PTPN13: variants seen among roughly 807,000 people sequenced by gnomAD.
PTPN13 encodes tyrosine-protein phosphatase non-receptor type 13.
PTPN13 carries 191 observed loss-of-function variants against 284.0 expected under a neutral mutation model. The observed-to-expected ratio is 0.67, with a 90% confidence interval of 0.60 to 0.76. The LOEUF (loss-of-function observed/expected upper bound fraction) is 0.76, where lower values mean the gene tolerates loss of function less well. Ranked by LOEUF, PTPN13 falls within the 30% of genes least tolerant of loss-of-function variation. The pLI, the probability that PTPN13 is intolerant of heterozygous loss-of-function variation, is 0.00. For synonymous variants in PTPN13, 986 were observed against 1,022.3 expected (o/e 0.96, Z 0.68); for missense variants, 2,797 against 2,939.9 (o/e 0.95, Z 1.12).
At chr4:86,712,905 T>C (rs2149054353) in intron 7 of PTPN13, among the ~76,000 whole-genome samples, 1 of 152,110 alleles carries the variant, frequency 6.6e-6, no homozygotes, top group East Asian at 1.9e-4. Context: ...CATAGGGTAG[T>C]AGTAAGGGTG....
chr4:86,744,662 G>C (rs1479589068), intron 16 of PTPN13, among the ~76,000 whole-genome samples: 1 of 152,120 alleles, frequency 6.6e-6, no homozygotes, highest in African/African-American at 2.4e-5. Context: ...ATTGCCTACA[G>C]TATTTAGTAC....
intron 1 of PTPN13, among the ~76,000 whole-genome samples, chr4:86,596,924 C>T (rs891570593): frequency 6.6e-6 from 1 of 152,178 alleles, no homozygotes; most frequent in Non-Finnish European, 1.5e-5. Context: ...CACAACCATA[C>T]TCCAAGCCAG....
intron 2 of PTPN13, among the ~76,000 whole-genome samples, chr4:86,650,065 A>G (rs554839029): frequency 1.3e-5 from 2 of 152,236 alleles, no homozygotes; most frequent in African/African-American, 4.8e-5. Context: ...GGCTCACTGC[A>G]GCCTCTGCCT....
chr4:86,800,130 G>A (rs147495350), intron 42 of PTPN13, among the ~76,000 whole-genome samples: 2,202 of 151,572 alleles, frequency 0.015, 26 homozygotes, highest in Middle Eastern at 0.1. Flanking sequence ...GAGCCACACC[G>A]CACCTGGCCA....
intron 7 of PTPN13, among the ~76,000 whole-genome samples, chr4:86,711,607 A>T (rs769351330): frequency 6.6e-6 from 1 of 152,186 alleles, no homozygotes; most frequent in Non-Finnish European, 1.5e-5. Flanking sequence ...ACTCATAGGA[A>T]GTCAAAAAGA....
rs957906513 is a variant in PTPN13, at chr4:86,615,484, T to A, written c.-5-19768T>A. Among the ~76,000 whole-genome samples, 68 of 152,136 alleles carry A rather than the reference T, an allele frequency of 4.5e-4. 2 individuals carry two copies. The highest frequency in any genetic ancestry group is 4.4e-5 in the Non-Finnish European group (3 of 67,982). ...TCTGTCAACCCTGAAAGTTATTACTTGTAACAAGCAGGAAGCAACTTGTTA... is the reference window on the plus strand; with the variant it reads ...TCTGTCAACCCTGAAAGTTATTACTAGTAACAAGCAGGAAGCAACTTGTTA... On this transcript the variant is annotated intron_variant, in intron 1 of 47. Transcript: ENST00000411767.
intron 47 of PTPN13, among the ~76,000 whole-genome samples, chr4:86,813,198 T>G (rs564946830): frequency 6.6e-6 from 1 of 152,324 alleles, no homozygotes; most frequent in Admixed American, 6.5e-5. Flanking sequence ...TGCTCACACA[T>G]ACTATATATA....
chr4:86,768,148 CA>C (rs1391555160), intron 28 of PTPN13, among the ~76,000 whole-genome samples, 172 bp downstream of exon 28: 5 of 152,118 alleles, frequency 3.3e-5, no homozygotes, highest in African/African-American at 4.8e-5. Flanking sequence ...AACATATTTG[CA>C]GCTCATAGGG....
chr4:86,770,167 G>A lies in PTPN13; in HGVS notation c.4771G>A (p.Gly1591Ser), dbSNP rs374198831. 5.0e-6 allele frequency: 8 copies of A among 1,613,554 alleles called. No individual in the cohort carries two copies. Among genetic ancestry groups the A allele is most frequent in the East Asian group, 2.2e-5 (1 of 44,894 alleles). The change falls in exon 30 of 48, where the codon GGT becomes AGT. Residue 1591 changes from glycine (G) to serine (S), a missense_variant. Gly to Ser is a moderately conservative substitution (Grantham distance 56). Transcript: ENST00000411767. ...VFLLLCRPPPGVLPEIDTALL... is the reference protein window; with the variant it reads ...VFLLLCRPPPSVLPEIDTALL... ...CTTGCTTCTCTGCAGACCTCCACCT[G>A]GTGTGCTACCGGAAATTGATACTGC... is the stretch of plus-strand genomic sequence containing the variant.
chr4:86,639,825 A>AT (rs1445140471), intron 2 of PTPN13, among the ~76,000 whole-genome samples: 2 of 150,760 alleles, frequency 1.3e-5, no homozygotes, highest in African/African-American at 2.4e-5. Context: ...AACTTAAAGT[A>AT]TAAAAAAAAA....
intron 45 of PTPN13, among the ~76,000 whole-genome samples, chr4:86,808,153 G>T (rs763974848): frequency 6.6e-6 from 1 of 152,176 alleles, no homozygotes; most frequent in South Asian, 2.1e-4. Context: ...GACTTTTAAT[G>T]TGATTATCAT....
rs557863464 is a variant in PTPN13 at position 86,732,421 on chromosome 4, G to T, written c.1630G>T (p.Val544Leu). The change falls in exon 11 of 48, where the codon GTG (valine) becomes TTG (leucine). Residue 544 changes from valine (V) to leucine (L), a missense_variant. Val to Leu is a conservative substitution (Grantham distance 32, BLOSUM62 1). Transcript: ENST00000411767. ...GCAGAATTTCTTTGGCCCTGAGTTT[G>T]TGAAAATGACAATTGAACCATTTAT... ...KLRNFFGPEFVKMTIEPFISL... is the reference protein window; with the variant it reads ...KLRNFFGPEFLKMTIEPFISL... The T allele has an allele frequency of 6.6e-5, 106 of 1,598,442 alleles. No individual in the cohort carries two copies. Among genetic ancestry groups the T allele is most frequent in the Non-Finnish European group, 8.7e-5 (102 of 1,171,338 alleles).
chr4:86,735,564 A>G, intron 14 of PTPN13, 30 bp from the exon 15 acceptor site: 2 of 1,599,052 alleles, frequency 1.3e-6, no homozygotes, highest in Non-Finnish European at 1.7e-6. Context: ...AAAGGCAAAC[A>G]ATTGCTTATG....
At chr4:86,595,518 G>A (rs907939829) in intron 1 of PTPN13, among the ~76,000 whole-genome samples, 1 of 151,994 alleles carries the variant, frequency 6.6e-6, no homozygotes, top group African/African-American at 2.4e-5. Context: ...AGGAGGATGG[G>A]GAGAAATATC....
chr4:86,614,265 T>G (rs890773906), intron 1 of PTPN13, among the ~76,000 whole-genome samples: 5 of 152,038 alleles, frequency 3.3e-5, no homozygotes, highest in African/African-American at 1.2e-4. Flanking sequence ...CAGAACAAAA[T>G]AACCCCACTC....
intron 39 of PTPN13, 135 bp downstream of exon 39, chr4:86,785,503 C>T (rs13108735): frequency 0.087 from 72,253 of 834,358 alleles, 3,662 homozygotes; most frequent in African/African-American, 0.1. Flanking sequence ...AGAAACAAAA[C>T]AGAATTTGTT....
intron 10 of PTPN13, among the ~76,000 whole-genome samples, chr4:86,727,660 T>G (rs1312051948): frequency 6.7e-6 from 1 of 149,540 alleles, no homozygotes; most frequent in African/African-American, 2.4e-5. Context: ...GATGTTGATA[T>G]CCCCTTTATC....
Position 86,807,596 on chromosome 4 carries a change from G to T in PTPN13, c.6782G>T (p.Gly2261Val). ...AGAGTGCCTCTTGGAGATGAAGGTGGCTATATCAATGCCAGCTTCATTAAG... is the reference window on the plus strand; with the variant it reads ...AGAGTGCCTCTTGGAGATGAAGGTGTCTATATCAATGCCAGCTTCATTAAG... ...ATRVPLGDEG[G>V]YINASFIKIP... is the part of the protein sequence containing the mutation. The change falls in exon 45 of 48, where the codon GGC (glycine) becomes GTC (valine). Residue 2261 changes from glycine to valine, a missense_variant. By Grantham distance (109) the Gly-to-Val change is moderately radical (BLOSUM62 -3). Coordinates refer to ENST00000411767, the MANE Select transcript of PTPN13 (RefSeq NM_080683.3). 6.2e-7 allele frequency: 1 copy of T among 1,613,598 alleles called. No individual in the cohort carries two copies. Among genetic ancestry groups the T allele is most frequent in the East Asian group, 2.2e-5 (1 of 44,874 alleles).
chr4:86,806,075 T>C (rs1009160254), intron 44 of PTPN13, among the ~76,000 whole-genome samples: 1 of 151,524 alleles, frequency 6.6e-6, no homozygotes, highest in Non-Finnish European at 1.5e-5. Flanking sequence ...GAGGATCGCT[T>C]GAACCCGGGA....
Sources: allele counts gnomAD v4.1 joint callset (sites outside exome capture counted in the v4.1 genomes callset), GRCh38; gene constraint gnomAD v4.1.1; transcripts MANE v1.5; gene names NCBI Gene and HGNC (gene_info 2026-07-23, HGNC 2026-07-21).